OSBP2: variants seen among roughly 807,000 people sequenced by gnomAD.
OSBP2 encodes oxysterol binding protein 2, also known as oxysterol-binding protein 2.
In OSBP2, 66 loss-of-function variants were observed where a neutral mutation model predicts 96.0. The observed-to-expected ratio is 0.69, with a 90% CI of 0.56 to 0.84. OSBP2 has a LOEUF of 0.84. Ranked by LOEUF, OSBP2 falls within the 40% of genes least tolerant of loss-of-function variation. OSBP2 has a pLI of 0.00. For synonymous variants in OSBP2, 525 were observed against 520.9 expected (o/e 1.01, Z -0.11); for missense variants, 1,038 against 1,222.7 (o/e 0.85, Z 2.25).
At chr22:30,800,365 G>C (rs762845515) in intron 2 of OSBP2, among the ~76,000 whole-genome samples, 1 of 152,214 alleles carries the variant, frequency 6.6e-6, no homozygotes, top group Non-Finnish European at 1.5e-5. Context: ...GAAATGGTGA[G>C]CCAAGGAAGC....
chr22:30,801,632 T>A (rs2090852814), intron 2 of OSBP2, among the ~76,000 whole-genome samples: 1 of 152,222 alleles, frequency 6.6e-6, no homozygotes, highest in South Asian at 2.1e-4. Flanking sequence ...TCAAGGTGTC[T>A]TTGGATTTGA....
intron 1 of OSBP2, among the ~76,000 whole-genome samples, chr22:30,728,197 C>T (rs1317517892): frequency 1.3e-5 from 2 of 151,774 alleles, no homozygotes; most frequent in African/African-American, 2.4e-5. Flanking sequence ...GAGATAGAGA[C>T]CATCCTGGCT....
At chr22:30,766,808 A>C (rs2145782343) in intron 2 of OSBP2, among the ~76,000 whole-genome samples, 1 of 152,198 alleles carries the variant, frequency 6.6e-6, no homozygotes, top group Non-Finnish European at 1.5e-5. Flanking sequence ...TTTGGGAGAG[A>C]GAAAAACCAG....
chr22:30,890,624 G>A lies in OSBP2; in HGVS notation c.1624-104G>A. On this transcript the variant is annotated intron_variant, in intron 7 of 13. Coordinates refer to ENST00000332585, the MANE Select transcript of OSBP2 (RefSeq NM_030758.4). This position sits in a 1 kb window ranked among gnomAD's most constrained non-coding sequence, Gnocchi z 4.4. ...GCCATCTGAGGAGCCTCACTGTGAA[G>A]GTGCTGTCTGAGCAGGGATGTCCCT... 1 of 1,293,484 alleles carries A rather than the reference G, an allele frequency of 7.7e-7. No individual in the cohort carries two copies. Among genetic ancestry groups the A allele is most frequent in the Non-Finnish European group, 1.1e-6 (1 of 921,326 alleles). 80.1% of individuals were successfully genotyped at this position (1,293,484 alleles called of 1,614,324 possible).
At chr22:30,894,813 A>G (rs2040026990) in intron 12 of OSBP2, among the ~76,000 whole-genome samples, 2 of 152,228 alleles carry the variant, frequency 1.3e-5, no homozygotes, top group South Asian at 4.1e-4. Context: ...GCTTGAAGAC[A>G]GTCAAATGAT....
chr22:30,821,739 G>A (rs2038277832), intron 2 of OSBP2, among the ~76,000 whole-genome samples: 1 of 152,224 alleles, frequency 6.6e-6, no homozygotes, highest in South Asian at 2.1e-4. Context: ...ACCTTGTTGA[G>A]TGTTTCTGTT....
chr22:30,776,699 T>C (rs2090442631), intron 2 of OSBP2, among the ~76,000 whole-genome samples: 1 of 152,162 alleles, frequency 6.6e-6, no homozygotes, highest in Admixed American at 6.6e-5. Context: ...ATTTTGATAC[T>C]GTTGCTGAGT....
intron 2 of OSBP2, among the ~76,000 whole-genome samples, chr22:30,773,574 G>C (rs565256825): frequency 6.6e-6 from 1 of 152,298 alleles, no homozygotes; most frequent in South Asian, 2.1e-4. Flanking sequence ...CACCCTGCTT[G>C]TCTCAGAGTA....
At chr22:30,867,895 G>A (rs555975958) in intron 2 of OSBP2, among the ~76,000 whole-genome samples, 12 of 152,362 alleles carry the variant, frequency 7.9e-5, no homozygotes, top group South Asian at 6.2e-4. Context: ...GGCCCTCCCC[G>A]TGTTGAGCCG....
At chr22:30,854,036 G>C (rs2039030053) in intron 2 of OSBP2, among the ~76,000 whole-genome samples, 1 of 152,124 alleles carries the variant, frequency 6.6e-6, no homozygotes, top group African/African-American at 2.4e-5. Context: ...AGGGATTACA[G>C]GTGTGAGCCA....
At chr22:30,838,734 G>A (rs1287035561) in intron 2 of OSBP2, among the ~76,000 whole-genome samples, 2 of 151,020 alleles carry the variant, frequency 1.3e-5, no homozygotes, top group African/African-American at 4.9e-5. Context: ...ATTATCACTT[G>A]GATTTTTTTT....
chr22:30,759,076 AG>A (rs2090175890), intron 2 of OSBP2, among the ~76,000 whole-genome samples: 1 of 152,208 alleles, frequency 6.6e-6, no homozygotes, highest in African/African-American at 2.4e-5. Flanking sequence ...AGTACTGCAA[AG>A]GGCCGGGCGC....
chr22:30,744,679 T>C (rs1360088855), intron 2 of OSBP2, among the ~76,000 whole-genome samples: 2 of 152,126 alleles, frequency 1.3e-5, no homozygotes, highest in Non-Finnish European at 2.9e-5. Flanking sequence ...GAGAATCGCT[T>C]GAACCCTGGA....
intron 2 of OSBP2, among the ~76,000 whole-genome samples, chr22:30,759,056 A>G (rs1251703590): frequency 6.6e-6 from 1 of 152,216 alleles, no homozygotes; most frequent in Non-Finnish European, 1.5e-5. Context: ...CATGTGGAAC[A>G]GATCCAACTA....
chr22:30,698,565 A>T (rs556145043), intron 1 of OSBP2, among the ~76,000 whole-genome samples: 1 of 151,528 alleles, frequency 6.6e-6, no homozygotes, highest in Admixed American at 6.6e-5. Flanking sequence ...CAGCCTCCCG[A>T]GTAGCTGGAA....
chr22:30,699,438 T>G (rs962130798), intron 1 of OSBP2, among the ~76,000 whole-genome samples: 7 of 152,222 alleles, frequency 4.6e-5, no homozygotes, highest in Non-Finnish European at 7.3e-5. Flanking sequence ...GTATAATTTC[T>G]GGGTTGTAGA....
chr22:30,727,093 T>G (rs2089663951), intron 1 of OSBP2, among the ~76,000 whole-genome samples: 1 of 152,216 alleles, frequency 6.6e-6, no homozygotes, highest in Non-Finnish European at 1.5e-5. Flanking sequence ...CCCCAGCCTA[T>G]GCATGTGGAA....
At chr22:30,739,041 ACACCCTT>A (rs1048585484) in intron 1 of OSBP2, among the ~76,000 whole-genome samples, 5 of 152,194 alleles carry the variant, frequency 3.3e-5, no homozygotes, top group African/African-American at 1.2e-4. Context: ...TCCTTTTCTA[ACACCCTT>A]CATGGGAAAA....
At chr22:30,694,827 C>T (rs1230080932), upstream of OSBP2, 1 of 575,998 alleles carries the variant, frequency 1.7e-6, no homozygotes, top group Non-Finnish European at 2.2e-6. Context: ...GCGCCGCGCG[C>T]ACGTGACTGC....
Sources: gnomAD v4.1 joint callset for allele counts (sites outside exome capture counted in the v4.1 genomes callset) on GRCh38, gnomAD v4.1.1 for gene constraint, Gnocchi (gnomAD v3.1) non-coding constraint, MANE v1.5 for transcripts, NCBI Gene and HGNC (gene_info 2026-07-23, HGNC 2026-07-21) for gene names.